Variants in PRELID2 observed in about 807,000 individuals in gnomAD.
The protein encoded by PRELID2 is PRELI domain containing 2.
A neutral mutation model predicts 28.4 loss-of-function variants in PRELID2; 25 were observed. The ratio of observed to expected loss-of-function variants is 0.88; its 90% CI spans 0.64 to 1.23. The LOEUF is 1.23. Ranked by LOEUF, PRELID2 falls within the 50% of genes most tolerant of loss-of-function variation. The pLI is 0.00. For missense variants in PRELID2, 201 were observed against 214.4 expected, an observed-to-expected ratio of 0.94 and a Z score of 0.39; for synonymous variants, 76 against 71.6, an observed-to-expected ratio of 1.06 and a Z score of -0.31.
At chr5:145,305,770 AC>A in the PRELID2 span, among the ~76,000 whole-genome samples, 1 of 152,128 alleles carries the variant, frequency 6.6e-6, no homozygotes, top group East Asian at 1.9e-4. Context: ...CTCAGGATCT[AC>A]CACATCCTGG....
chr5:145,716,771 A>C (rs1755855563), intron 1 of PRELID2, among the ~76,000 whole-genome samples: 1 of 152,186 alleles, frequency 6.6e-6, no homozygotes, highest in Admixed American at 6.5e-5. Context: ...GCTAGCATTT[A>C]TTGAGAGTTT....
the PRELID2 span, among the ~76,000 whole-genome samples, chr5:145,343,239 C>T: frequency 4.6e-5 from 7 of 151,834 alleles, no homozygotes; most frequent in South Asian, 2.1e-4. Flanking sequence ...ATTGGCACAT[C>T]GAACATTCTC....
At chr5:145,824,425 CGTGTGTGTGTGTGTGTGTGTGTGT>C (rs369429281) in intron 1 of PRELID2, among the ~76,000 whole-genome samples, 36 of 96,256 alleles carry the variant, frequency 3.7e-4, no homozygotes, top group Non-Finnish European at 8.5e-4. Context: ...CCACAGCAGG[CGTGTGTGTGTGTGTGTGTGTGTGT>C]GTGTGTGTGT....
chr5:145,283,315 G>C, the PRELID2 span, among the ~76,000 whole-genome samples: 5 of 151,700 alleles, frequency 3.3e-5, no homozygotes, highest in Non-Finnish European at 7.4e-5. Context: ...TTACGCAACT[G>C]GGGGGGAAAG....
the PRELID2 span, among the ~76,000 whole-genome samples, chr5:145,276,445 GA>G: frequency 6.6e-6 from 1 of 152,130 alleles, no homozygotes; most frequent in African/African-American, 2.4e-5. Flanking sequence ...GCCTCCAAAT[GA>G]AAGAATGGGT....
the PRELID2 span, among the ~76,000 whole-genome samples, chr5:145,257,146 T>C: frequency 0.05 from 7,653 of 152,022 alleles, 404 homozygotes; most frequent in African/African-American, 0.12. Context: ...TAAAAGGCTA[T>C]TGACTCTTTA....
chr5:145,315,372 C>CTAG, the PRELID2 span, among the ~76,000 whole-genome samples: 1 of 152,104 alleles, frequency 6.6e-6, no homozygotes, highest in Non-Finnish European at 1.5e-5. Flanking sequence ...CTGGCCTCTA[C>CTAG]AATAATTCTT....
At chr5:145,368,116 C>T in the PRELID2 span, among the ~76,000 whole-genome samples, 1 of 151,840 alleles carries the variant, frequency 6.6e-6, no homozygotes. Context: ...ATATTTATTG[C>T]CTGTCTTCCC....
chr5:145,508,242 T>C (rs1421960031), intron 1 of PRELID2, among the ~76,000 whole-genome samples: 1 of 142,330 alleles, frequency 7.0e-6, no homozygotes, highest in Admixed American at 7.3e-5. Context: ...TAGGCTGGAG[T>C]TACTTTTGCA....
chr5:145,461,084 G>A, the PRELID2 span, among the ~76,000 whole-genome samples: 21 of 152,294 alleles, frequency 1.4e-4, no homozygotes, highest in Admixed American at 1.3e-3. Context: ...ACGAGACAAA[G>A]TAGTACAAAT....
At chr5:145,323,678 T>G in the PRELID2 span, among the ~76,000 whole-genome samples, 1 of 152,280 alleles carries the variant, frequency 6.6e-6, no homozygotes, top group African/African-American at 2.4e-5. Flanking sequence ...GTGCACTCAA[T>G]GTTTAGCTCC....
At chr5:145,267,808 C>T in the PRELID2 span, among the ~76,000 whole-genome samples, 1 of 152,142 alleles carries the variant, frequency 6.6e-6, no homozygotes, top group Non-Finnish European at 1.5e-5. Context: ...TGCACAACCT[C>T]ACCACATTTG....
the PRELID2 span, among the ~76,000 whole-genome samples, chr5:145,420,463 G>C: frequency 6.7e-6 from 1 of 148,840 alleles, no homozygotes; most frequent in African/African-American, 2.5e-5. Flanking sequence ...TTGTAAGTTG[G>C]ATTCCTAGGT....
intron 1 of PRELID2, among the ~76,000 whole-genome samples, chr5:145,515,726 A>G (rs111240731): frequency 0.05 from 7,587 of 152,270 alleles, 471 homozygotes; most frequent in African/African-American, 0.15. Flanking sequence ...ATGAACATCA[A>G]TGCAAAAATC....
intron 1 of PRELID2, among the ~76,000 whole-genome samples, chr5:145,742,111 T>C (rs1224835358): frequency 7.9e-6 from 1 of 126,096 alleles, no homozygotes; most frequent in South Asian, 2.3e-4. Flanking sequence ...TAATTATATA[T>C]AAATAAAATT....
chr5:145,678,579 A>G (rs762468898), intron 1 of PRELID2, among the ~76,000 whole-genome samples: 9 of 152,202 alleles, frequency 5.9e-5, no homozygotes, highest in Non-Finnish European at 1.0e-4. Context: ...AGACCAACTT[A>G]TTATGAGTTC....
chr5:145,688,739 G>A (rs1050557145), intron 1 of PRELID2, among the ~76,000 whole-genome samples: 2 of 152,208 alleles, frequency 1.3e-5, no homozygotes, highest in Non-Finnish European at 2.9e-5. Context: ...TGTACCTAGA[G>A]CGTAAGGTGC....
intron 1 of PRELID2, among the ~76,000 whole-genome samples, chr5:145,511,933 G>A (rs1295354800): frequency 6.6e-6 from 1 of 152,114 alleles, no homozygotes; most frequent in Non-Finnish European, 1.5e-5. Flanking sequence ...CTTACTTACT[G>A]GGGCAGTGGC....
intron 1 of PRELID2, among the ~76,000 whole-genome samples, chr5:145,682,631 G>A (rs1381533613): frequency 1.3e-5 from 2 of 152,180 alleles, no homozygotes; most frequent in African/African-American, 2.4e-5. Context: ...ACAAGTCCGA[G>A]AATGCCAGAC....
Sources: gnomAD v4.1 joint callset for allele counts (sites outside exome capture counted in the v4.1 genomes callset) on GRCh38, gnomAD v4.1.1 for gene constraint, MANE v1.5 for transcripts, NCBI Gene and HGNC (gene_info 2026-07-23, HGNC 2026-07-21) for gene names.